TCEA3: variants seen among roughly 807,000 people sequenced by gnomAD.
TCEA3 encodes transcription elongation factor A3.
In TCEA3, 36 loss-of-function variants were observed where a neutral mutation model predicts 44.0. That is an observed-to-expected ratio of 0.82 (90% CI 0.63 to 1.08). The LOEUF (loss-of-function observed/expected upper bound fraction) is 1.08. TCEA3 is among the 50% of genes least tolerant of loss of function. The pLI, the probability that TCEA3 is intolerant of heterozygous loss-of-function variation, is 0.00. For synonymous variants in TCEA3, 162 were observed against 159.7 expected, an observed-to-expected ratio of 1.01 and a Z score of -0.11; for missense variants, 392 against 441.2, an observed-to-expected ratio of 0.89 and a Z score of 1.00.
intron 4 of TCEA3, among the ~76,000 whole-genome samples, chr1:23,415,809 C>T (rs890875333): frequency 1.3e-5 from 2 of 152,090 alleles, no homozygotes; most frequent in South Asian, 2.1e-4. Flanking sequence ...TGGAAAGGAA[C>T]AGAACATAGA....
chr1:23,419,048 T>C, intron 2 of TCEA3, 29 bp downstream of exon 2: 1 of 457,534 alleles, frequency 2.2e-6, no homozygotes, highest in Non-Finnish European at 3.0e-6. Flanking sequence ...CCCCAGGCAC[T>C]GTCCCAAGGC....
Position 23,424,746 on chromosome 1 carries a change from G to C in TCEA3, c.-113C>G, listed in dbSNP as rs949010752. ...ACCCGCGCGGGCCCCAAACACACAC[G>C]ACACACACGCCCGGCGGGGGCGGGG... On this transcript the variant is annotated 5_prime_UTR_variant, in exon 1 of 11. Transcript: ENST00000450454. The C allele has an allele frequency of 1.4e-6, 1 of 701,468 alleles. No individual in the cohort carries two copies. The highest frequency in any genetic ancestry group is 1.8e-5 in the South Asian group (1 of 55,562). 43.5% of individuals were successfully genotyped at this position (701,468 alleles called of 1,614,324 possible).
At chr1:23,388,199 C>CT (rs148219602) in intron 8 of TCEA3, among the ~76,000 whole-genome samples, 9,500 of 138,622 alleles carry the variant, frequency 0.069, 432 homozygotes, top group South Asian at 0.2. Context: ...GGATTTTAAA[C>CT]TTTTTTTTTT....
rs1427954744 is a variant in TCEA3, at chr1:23,381,306, G to A, written c.*160C>T. The A allele has an allele frequency of 1.2e-5, 8 of 647,166 alleles. No individual in the cohort carries two copies. Among genetic ancestry groups the A allele is most frequent in the Admixed American group, 2.8e-5 (1 of 35,754 alleles). The allele number at this position is 647,166 out of a possible 1,614,324, so 40.1% of individuals were successfully genotyped here. ...CATTAACCAATTGTTTCTAATGACCGATTATTAATTTGCAAGAGAATTCTT... is the reference window on the plus strand; with the variant it reads ...CATTAACCAATTGTTTCTAATGACCAATTATTAATTTGCAAGAGAATTCTT... On this transcript the variant is annotated 3_prime_UTR_variant, in exon 11 of 11. Transcript: ENST00000450454.
intron 4 of TCEA3, among the ~76,000 whole-genome samples, chr1:23,410,038 G>C (rs2148574341): frequency 6.6e-6 from 1 of 152,116 alleles, no homozygotes; most frequent in African/African-American, 2.4e-5. Flanking sequence ...CAGGGCCTCT[G>C]TCTGAGGGAG....
At position 23,381,556 on chromosome 1, in the gene TCEA3, G is replaced by A. The variant is rs111290499; in HGVS notation, c.1039-82C>T. On this transcript the variant is annotated intron_variant, in intron 10 of 10. Coordinates refer to ENST00000450454, the MANE Select transcript of TCEA3 (RefSeq NM_003196.3). ...GCTGTGGGGGAATATGAAAAAGAAG[G>A]TGGTGTCTGGAGCCACACAGACCAG... The A allele has an allele frequency of 2.5e-3, 1,926 of 777,902 alleles. 33 individuals carry two copies. The African/African-American group carries it at 0.029, about 12-fold the overall frequency. The allele number at this position is 777,902 out of a possible 1,614,324, so 48.2% of individuals were successfully genotyped here.
intron 5 of TCEA3, among the ~76,000 whole-genome samples, chr1:23,403,182 C>T (rs1387564150): frequency 2.6e-5 from 4 of 152,254 alleles, no homozygotes; most frequent in African/African-American, 9.6e-5. Flanking sequence ...CAGCATGCTG[C>T]TTTGAAGGAG....
intron 5 of TCEA3, among the ~76,000 whole-genome samples, chr1:23,407,593 G>A (rs796127026): frequency 1.2e-4 from 19 of 152,004 alleles, no homozygotes; most frequent in African/African-American, 3.1e-4. Flanking sequence ...TTTGCCTAAC[G>A]ATCACTTCCT....
In TCEA3 at chr1:23,417,923, T is replaced by C; in HGVS notation, c.219A>G (p.Lys73=). 1 of 1,614,062 alleles carries C rather than the reference T, an allele frequency of 6.2e-7. No homozygotes were observed. The highest frequency in any genetic ancestry group is 2.2e-5 in the East Asian group (1 of 44,890). The stretch of plus-strand genomic sequence containing the variant: ...TCTCACCTAGCAGCCGCTTCCAGTT[T>C]TTGATAAGGACTTTGGCCAAGGACA... ...EVVSLAKVLI[K]NWKRLLDSPG... Residue 73 remains lysine (K), a synonymous_variant, in exon 3 of 11, where the codon AAA becomes AAG. Transcript: ENST00000450454.
rs1639250792 is a variant in TCEA3, at chr1:23,397,492, G to T, written c.664+53C>A. Reference sequence around the variant, plus strand: ...CTCCCAGCTCGCTTGCACCTTGGATGGGTGCTGCTAGACGGTGCAGACACC... The same window carrying T: ...CTCCCAGCTCGCTTGCACCTTGGATTGGTGCTGCTAGACGGTGCAGACACC... On this transcript the variant is annotated intron_variant, in intron 7 of 10. Transcript: ENST00000450454. 5.2e-6 allele frequency: 8 copies of T among 1,550,204 alleles called. No homozygotes were observed. The Admixed American group carries it at 8.9e-5, about 17-fold the overall frequency.
intron 10 of TCEA3, chr1:23,383,563 A>G: frequency 1.0e-6 from 1 of 973,862 alleles, no homozygotes; most frequent in Non-Finnish European, 1.2e-6. Context: ...GCTCAGCATG[A>G]GTAGGGCAGA....
chr1:23,383,279 CA>C (rs10604385), intron 10 of TCEA3, among the ~76,000 whole-genome samples: 9,117 of 118,280 alleles, frequency 0.077, 958 homozygotes, highest in African/African-American at 0.27. Flanking sequence ...GACTCCATCT[CA>C]AAAAAAAAAA....
intron 5 of TCEA3, among the ~76,000 whole-genome samples, chr1:23,401,391 TTAATC>T (rs1362888097): frequency 6.6e-6 from 1 of 152,184 alleles, no homozygotes; most frequent in Non-Finnish European, 1.5e-5. Flanking sequence ...CTGTCCTAGA[TTAATC>T]TAGCCTTAAT....
chr1:23,395,767 G>T (rs1639198406), intron 7 of TCEA3, among the ~76,000 whole-genome samples: 1 of 151,268 alleles, frequency 6.6e-6, no homozygotes, highest in East Asian at 1.9e-4. Flanking sequence ...GGCAGAGGTT[G>T]CAGTGAGCTG....
chr1:23,403,827 G>GC lies in TCEA3; in HGVS notation c.443+4836dup, dbSNP rs2148566590. The GC allele has an allele frequency of 8.9e-6, 4 of 451,360 alleles. No homozygotes were observed. In the South Asian group the frequency reaches 1.3e-4, roughly 14 times the overall value. The allele number at this position is 451,360 out of a possible 1,614,324, so 28.0% of individuals were successfully genotyped here. On this transcript the variant is annotated intron_variant, in intron 5 of 10. Transcript: ENST00000450454. ...TGGAGCATTTCTTCCCACCTTCCTG[G>GC]CAGGGCACACCCAGCCCTGGTCCCG...
chr1:23,394,157 C>G, intron 7 of TCEA3, 124 bp from the exon 8 acceptor site: 1 of 1,216,836 alleles, frequency 8.2e-7, no homozygotes, highest in South Asian at 1.6e-5. Context: ...GGAGTTGGGC[C>G]CCTCTTTTGT....
At chr1:23,424,473 T>C (rs1640159526) in intron 1 of TCEA3, 92 bp downstream of exon 1, 4 of 1,215,228 alleles carry the variant, frequency 3.3e-6, no homozygotes, top group Non-Finnish European at 4.7e-6. Flanking sequence ...CGCGCCCCCA[T>C]GGCGCCCCGC....
chr1:23,416,296 G>A (rs1245385323), intron 4 of TCEA3, among the ~76,000 whole-genome samples: 1 of 152,022 alleles, frequency 6.6e-6, no homozygotes, highest in Non-Finnish European at 1.5e-5. Flanking sequence ...GTGAGATACC[G>A]TACCCGGCCT....
chr1:23,411,804 A>G (rs1237742282), intron 4 of TCEA3, among the ~76,000 whole-genome samples: 3 of 152,252 alleles, frequency 2.0e-5, no homozygotes, highest in Non-Finnish European at 4.4e-5. Context: ...CTGACTTCTT[A>G]AGCATGACTA....
Sources: allele counts gnomAD v4.1 joint callset (sites outside exome capture counted in the v4.1 genomes callset), GRCh38; gene constraint gnomAD v4.1.1; transcripts MANE v1.5; gene names NCBI Gene and HGNC (gene_info 2026-07-23, HGNC 2026-07-21).